POLI: variants seen among roughly 807,000 people sequenced by gnomAD.
POLI encodes the protein RAD30 homolog B.
In POLI, 58 loss-of-function variants were observed where a neutral mutation model predicts 51.6. The ratio of observed to expected loss-of-function variants is 1.12; its 90% CI spans 0.91 to 1.40. The LOEUF (loss-of-function observed/expected upper bound fraction) is 1.40, where lower values mean the gene tolerates loss of function less well. Ranked by LOEUF, POLI falls within the 40% of genes most tolerant of loss-of-function variation. POLI has a pLI of 0.00. For missense variants in POLI, 921 were observed against 871.3 expected, an observed-to-expected ratio of 1.06 and a Z score of -0.72; for synonymous variants, 322 against 299.7, an observed-to-expected ratio of 1.07 and a Z score of -0.77.
Position 54,294,769 on chromosome 18 carries a change from T to G in POLI, c.*302T>G. The G allele has an allele frequency of 1.0e-6, 1 of 992,546 alleles. No individual in the cohort carries two copies. Among genetic ancestry groups the G allele is most frequent in the Non-Finnish European group, 1.2e-6 (1 of 829,796 alleles). 61.5% of individuals were successfully genotyped at this position (992,546 alleles called of 1,614,324 possible). The stretch of plus-strand genomic sequence containing the variant: ...ATTGGTGGGGAGATGTATATGTTTA[T>G]ATATAAAAAATAGCCAAATCGTTGC... On this transcript the variant is annotated 3_prime_UTR_variant, in exon 10 of 10. Transcript: ENST00000579534.
intron 8 of POLI, among the ~76,000 whole-genome samples, chr18:54,290,602 G>A (rs879743248): frequency 2.0e-5 from 3 of 152,128 alleles, no homozygotes; most frequent in Non-Finnish European, 4.4e-5. Context: ...GTAATAGACT[G>A]GATAAAGAAA....
intron 3 of POLI, among the ~76,000 whole-genome samples, chr18:54,275,770 T>A (rs1396653128): frequency 6.6e-6 from 1 of 152,232 alleles, no homozygotes; most frequent in African/African-American, 2.4e-5. Context: ...TTTGGGTTGT[T>A]CATCTTTTTC....
chr18:54,306,152 C>A (rs1234340559), intron 3 of POLI, among the ~76,000 whole-genome samples: 1 of 152,110 alleles, frequency 6.6e-6, no homozygotes, highest in Non-Finnish European at 1.5e-5. Context: ...TGTCTTGTGC[C>A]AGTTTTCAAA....
At chr18:54,317,661 G>A (rs1437259708) in intron 3 of POLI, among the ~76,000 whole-genome samples, 2 of 151,974 alleles carry the variant, frequency 1.3e-5, no homozygotes, top group Non-Finnish European at 2.9e-5. Context: ...CTAGGAGTTG[G>A]GAGACCAGCC....
At position 54,291,926 on chromosome 18, in the gene POLI, T is replaced by C. The variant is rs748525170; in HGVS notation, c.1292T>C (p.Leu431Pro). ...NVKMPFHLTL[L>P]SVCFCNLKAL... ...AAGATGCCATTTCACCTTACCCTTCTAAGTGTGTGCTTCTGCAACCTTAAA... is the reference window on the plus strand; with the variant it reads ...AAGATGCCATTTCACCTTACCCTTCCAAGTGTGTGCTTCTGCAACCTTAAA... Residue 431 changes from leucine (L) to proline (P), a missense_variant, in exon 9 of 10, where the codon CTA (leucine) becomes CCA (proline). By Grantham distance (98) the Leu-to-Pro change is moderately conservative (BLOSUM62 -3). Transcript: ENST00000579534. 2 of 1,609,386 alleles carry C rather than the reference T, an allele frequency of 1.2e-6. No individual in the cohort carries two copies. The highest frequency in any genetic ancestry group is 1.1e-5 in the South Asian group (1 of 90,978).
intron 3 of POLI, among the ~76,000 whole-genome samples, chr18:54,315,372 G>A (rs943394289): frequency 6.6e-6 from 1 of 151,996 alleles, no homozygotes; most frequent in Admixed American, 6.6e-5. Context: ...CTTGCTTTAT[G>A]TATGGCCAAG....
Position 54,294,201 on chromosome 18 carries a change from G to C in POLI, c.1957G>C (p.Val653Leu), listed in dbSNP as rs142279753. Residue 653 changes from valine to leucine, a missense_variant, in exon 10 of 10, where the codon GTG (valine) becomes CTG (leucine). Coordinates refer to ENST00000579534, the MANE Select transcript of POLI (RefSeq NM_007195.3). ...CCACTTTACAAATTCAAACCCTGCT[G>C]TGTCTGCTTTTCATTCATTTCCAAA... ...GFHFTNSNPAVSAFHSFPNLQ... is the reference protein window; with the variant it reads ...GFHFTNSNPALSAFHSFPNLQ... 2,476 of 1,613,426 alleles carry C rather than the reference G, an allele frequency of 1.5e-3. 44 individuals are homozygous for C. In the South Asian group the frequency reaches 0.025, roughly 16 times the overall value.
intron 8 of POLI, among the ~76,000 whole-genome samples, chr18:54,288,624 A>G: frequency 6.8e-6 from 1 of 148,018 alleles, no homozygotes; most frequent in East Asian, 2.0e-4. Flanking sequence ...TGCTCTGTTT[A>G]TTTTTCTGTA....
At chr18:54,277,244 A>G (rs962281976) in intron 3 of POLI, among the ~76,000 whole-genome samples, 11 of 152,228 alleles carry the variant, frequency 7.2e-5, no homozygotes, top group African/African-American at 2.7e-4. Context: ...TTTATTCAGT[A>G]ATAATTGGAC....
intron 1 of POLI, chr18:54,269,954 A>T (rs1188601131): frequency 1.7e-6 from 2 of 1,164,790 alleles, no homozygotes; most frequent in African/African-American, 3.2e-5. Flanking sequence ...TCCCTCAGCC[A>T]GCCCGACGAA....
chr18:54,288,020 T>C (rs1308067175), intron 8 of POLI, among the ~76,000 whole-genome samples: 1 of 152,228 alleles, frequency 6.6e-6, no homozygotes, highest in Non-Finnish European at 1.5e-5. Context: ...TGGATGGGCA[T>C]ATGCATATGT....
chr18:54,303,683 A>G (rs2088530178), intron 3 of POLI, among the ~76,000 whole-genome samples: 1 of 151,956 alleles, frequency 6.6e-6, no homozygotes, highest in African/African-American at 2.4e-5. Context: ...TTATCTTGCA[A>G]ATTAAACCTC....
At chr18:54,299,742 A>T (rs1333130119), downstream of POLI, among the ~76,000 whole-genome samples, 1 of 152,172 alleles carries the variant, frequency 6.6e-6, no homozygotes, top group African/African-American at 2.4e-5. Context: ...TCCAAATTTG[A>T]GGTTAACTAT....
downstream of POLI, among the ~76,000 whole-genome samples, chr18:54,299,403 C>G (rs34162186): frequency 0.38 from 57,768 of 152,022 alleles, 11,835 homozygotes; most frequent in East Asian, 0.68. Flanking sequence ...CCATTGCACT[C>G]CAGCCTGAGT....
At position 54,284,023 on chromosome 18, in the gene POLI, A is replaced by T; in HGVS notation, c.1067+10A>T. The T allele has an allele frequency of 2.5e-6, 3 of 1,195,202 alleles. No individual in the cohort carries two copies. The highest frequency in any genetic ancestry group is 3.6e-6 in the Non-Finnish European group (3 of 824,824). The allele number at this position is 1,195,202 out of a possible 1,614,324, so 74.0% of individuals were successfully genotyped here. A position where few individuals can be genotyped will look rare whatever the true frequency, so the allele number is the denominator to read the frequency against. ...CTAGTCTTTTAAACAGGTGATTTTC[A>T]ATCCATTTTGCCAAGTCATCCTATG... On this transcript the variant is annotated intron_variant, in intron 7 of 9. Transcript: ENST00000579534.
downstream of POLI, among the ~76,000 whole-genome samples, chr18:54,298,588 C>CTTTTT (rs145052748): frequency 0.15 from 16,713 of 114,266 alleles, 1,409 homozygotes; most frequent in Non-Finnish European, 0.19. Flanking sequence ...ACTACAGAAT[C>CTTTTT]TTTTTTTTTT....
chr18:54,308,644 G>T (rs2088625767), intron 3 of POLI, among the ~76,000 whole-genome samples: 2 of 152,212 alleles, frequency 1.3e-5, no homozygotes, highest in Admixed American at 1.3e-4. Context: ...CTAGGTTGTA[G>T]AAGTTCTCCT....
At chr18:54,281,745 TC>T (rs2087508721) in intron 5 of POLI, among the ~76,000 whole-genome samples, 2 of 125,624 alleles carry the variant, frequency 1.6e-5, no homozygotes, top group Non-Finnish European at 3.6e-5. Context: ...AGTTCTTGTA[TC>T]TTTTTTTTTT....
rs755243928 is a variant in POLI, at chr18:54,294,041, T to C, written c.1797T>C (p.Pro599=). The part of the protein sequence containing the change: ...SSSKQVSSVS[P]CEPGTSGFNS... ...GCAAACAGGTATCCTCTGTATCTCC[T>C]TGTGAACCGGGAACATCAGGCTTTA... The change falls in exon 10 of 10, where the codon CCT becomes CCC. Residue 599 remains proline, a synonymous_variant. Transcript: ENST00000579534. 2 of 1,613,242 alleles carry C rather than the reference T, an allele frequency of 1.2e-6. No individual in the cohort carries two copies. The highest frequency in any genetic ancestry group is 1.7e-6 in the Non-Finnish European group (2 of 1,179,396).
Sources: gnomAD v4.1 joint callset for allele counts (sites outside exome capture counted in the v4.1 genomes callset) on GRCh38, gnomAD v4.1.1 for gene constraint, MANE v1.5 for transcripts, NCBI Gene and HGNC (gene_info 2026-07-23, HGNC 2026-07-21) for gene names.